PARD6G: variants seen among roughly 807,000 people sequenced by gnomAD.
PARD6G encodes the protein par-6 family cell polarity regulator gamma.
In PARD6G, 7 loss-of-function variants were observed where a neutral mutation model predicts 10.7. The ratio of observed to expected loss-of-function variants is 0.66; its 90% CI spans 0.37 to 1.23. The LOEUF (loss-of-function observed/expected upper bound fraction) is 1.23, where lower values mean the gene tolerates loss of function less well. PARD6G is among the 50% of genes most tolerant of loss of function. The pLI is 0.02. For missense variants in PARD6G, 548 were observed against 571.8 expected (o/e 0.96, Z 0.42); for synonymous variants, 287 against 269.4 (o/e 1.07, Z -0.64).
rs2052801659 is a variant in PARD6G at position 80,175,238 on chromosome 18, A to G, written c.296-14632T>C. ...TGTTTTGCTGCAGAAGTGTGAACAT[A>G]ATGTGTGTCTTAGCTCCAGCGGCCA... On this transcript the variant is annotated intron_variant, in intron 2 of 2. Transcript: ENST00000353265. This position sits in a 1 kb window ranked among gnomAD's most constrained non-coding sequence, Gnocchi z 6.7. Among the ~76,000 whole-genome samples the G allele has an allele frequency of 6.6e-6, 1 of 152,222 alleles. No homozygotes were observed. The highest frequency in any genetic ancestry group is 2.4e-5 in the African/African-American group (1 of 41,460).
chr18:80,246,250 G>C lies in PARD6G; in HGVS notation c.72+1027C>G, dbSNP rs1967544957. ...GCTCAACTCCCAGAGAGTAGCCAGC[G>C]AAAGACTCGAGGGGCCCCCTCCCGC... On this transcript the variant is annotated intron_variant, in intron 1 of 2. Transcript: ENST00000353265. The surrounding 1 kb of genome is among the most constrained non-coding windows in gnomAD (Gnocchi z 6.7). 6.6e-6 allele frequency among the ~76,000 whole-genome samples: 1 copy of C among 152,198 alleles called. No individual in the cohort carries two copies. The highest frequency in any genetic ancestry group is 6.5e-5 in the Admixed American group (1 of 15,284).
At chr18:80,230,558 G>A (rs1032051408) in intron 1 of PARD6G, among the ~76,000 whole-genome samples, 3 of 152,158 alleles carry the variant, frequency 2.0e-5, no homozygotes, top group Admixed American at 6.5e-5. Flanking sequence ...GTTGGCACTC[G>A]CAGAACTGCC....
chr18:80,170,667 A>C (rs2052769952), intron 2 of PARD6G: 1 of 152,300 alleles, frequency 6.6e-6, no homozygotes, highest in Non-Finnish European at 1.5e-5. Context: ...AGTGAGGGGC[A>C]GCCTCAACCA....
chr18:80,208,795 T>A (rs1165475009), intron 1 of PARD6G, among the ~76,000 whole-genome samples: 1 of 151,862 alleles, frequency 6.6e-6, no homozygotes, highest in Non-Finnish European at 1.5e-5. Flanking sequence ...CTGGCCTAGG[T>A]TAGTAGCAAG....
intron 1 of PARD6G, among the ~76,000 whole-genome samples, chr18:80,236,267 C>T (rs890053436): frequency 4.6e-5 from 7 of 152,146 alleles, no homozygotes; most frequent in African/African-American, 1.2e-4. Context: ...ATTATCTCAA[C>T]AGATGCAGAA....
At chr18:80,213,622 A>G (rs1183778453) in intron 1 of PARD6G, among the ~76,000 whole-genome samples, 2 of 152,168 alleles carry the variant, frequency 1.3e-5, no homozygotes. Context: ...TCCAACAGCA[A>G]CAACAACAAA....
intron 1 of PARD6G, among the ~76,000 whole-genome samples, chr18:80,243,991 T>C (rs891579612): frequency 4.6e-5 from 7 of 152,154 alleles, no homozygotes; most frequent in African/African-American, 1.4e-4. Context: ...GACAGTGGAA[T>C]TGACGCAATA....
Position 80,183,172 on chromosome 18 carries a change from AGTG to A in PARD6G, c.295+19535_295+19537del. The A allele has an allele frequency of 1.4e-6, 1 of 702,972 alleles. No individual in the cohort carries two copies. Among genetic ancestry groups the A allele is most frequent in the Non-Finnish European group, 2.6e-6 (1 of 384,994 alleles). 43.5% of individuals were successfully genotyped at this position (702,972 alleles called of 1,614,324 possible). On this transcript the variant is annotated intron_variant, in intron 2 of 2. Coordinates refer to ENST00000353265, the MANE Select transcript of PARD6G (RefSeq NM_032510.4). This position sits in a 1 kb window ranked among gnomAD's most constrained non-coding sequence, Gnocchi z 4.5. ...TCATCTGCAGGAAAATTAGTGAAGAAGTGGAGGGCCTTGCAATGTGAAAGGGTG... is the reference window on the plus strand; with the variant it reads ...TCATCTGCAGGAAAATTAGTGAAGAAGAGGGCCTTGCAATGTGAAAGGGTG...
intron 1 of PARD6G, among the ~76,000 whole-genome samples, chr18:80,223,517 A>T (rs1188639494): frequency 1.3e-5 from 2 of 152,228 alleles, no homozygotes; most frequent in Admixed American, 6.5e-5. Context: ...TCAAAAGCAT[A>T]GGAGTCACTA....
chr18:80,160,117 G>C lies in PARD6G; in HGVS notation c.785C>G (p.Ala262Gly), dbSNP rs1261130113. The change falls in exon 3 of 3, where the codon GCG becomes GGG. Residue 262 changes from alanine to glycine, a missense_variant. By Grantham distance (60) the Ala-to-Gly change is moderately conservative (BLOSUM62 0). This residue lies in a region of PARD6G where 313 missense variants were observed against 279.9 expected (regional missense o/e 1.12). Coordinates refer to ENST00000353265, the MANE Select transcript of PARD6G (RefSeq NM_032510.4). ...CGAGGGCGGTCCCGAGCTGCCCAAC[G>C]CGCGGCCGCCGCGCACCACGTTGTT... Reference protein sequence around the residue: ...QRNNVVRGGRALGSSGPPSDG... With the variant: ...QRNNVVRGGRGLGSSGPPSDG... 2 of 1,611,226 alleles carry C rather than the reference G, an allele frequency of 1.2e-6. No individual in the cohort carries two copies. The highest frequency in any genetic ancestry group is 1.7e-6 in the Non-Finnish European group (2 of 1,179,066).
intron 1 of PARD6G, among the ~76,000 whole-genome samples, chr18:80,220,624 T>G (rs1223693976): frequency 6.6e-6 from 1 of 152,138 alleles, no homozygotes; most frequent in Non-Finnish European, 1.5e-5. Flanking sequence ...TTATTTTTTA[T>G]TTTTGAGACA....
At chr18:80,209,957 A>G (rs1967091099) in intron 1 of PARD6G, among the ~76,000 whole-genome samples, 1 of 152,228 alleles carries the variant, frequency 6.6e-6, no homozygotes, top group Admixed American at 6.5e-5. Flanking sequence ...TCTATTAATC[A>G]TATCTATCTA....
intron 2 of PARD6G, among the ~76,000 whole-genome samples, chr18:80,186,661 TATAATC>T: frequency 9.4e-6 from 1 of 106,894 alleles, no homozygotes; most frequent in East Asian, 6.2e-4. Flanking sequence ...GAGGGCTACA[TATAATC>T]ACACGTGATA....
intron 2 of PARD6G, among the ~76,000 whole-genome samples, chr18:80,199,886 C>A (rs985207798): frequency 6.6e-6 from 1 of 152,194 alleles, no homozygotes; most frequent in African/African-American, 2.4e-5. Context: ...CTCAAGTGAT[C>A]CACCCGCCTC....
intron 1 of PARD6G, among the ~76,000 whole-genome samples, chr18:80,243,616 G>A (rs949921285): frequency 6.6e-6 from 1 of 152,038 alleles, no homozygotes; most frequent in South Asian, 2.1e-4. Context: ...TAATTAACAC[G>A]ACAGACAATC....
chr18:80,226,240 G>T (rs1054486539), intron 1 of PARD6G, among the ~76,000 whole-genome samples: 2 of 129,650 alleles, frequency 1.5e-5, no homozygotes, highest in Non-Finnish European at 3.1e-5. Context: ...GTGTGATCTT[G>T]GCTCACCGCA....
chr18:80,222,079 T>G (rs1344291983), intron 1 of PARD6G, among the ~76,000 whole-genome samples: 1 of 151,754 alleles, frequency 6.6e-6, no homozygotes, highest in Non-Finnish European at 1.5e-5. Context: ...GAAAACTTAA[T>G]TTTTTTCTTT....
chr18:80,160,299 C>T lies in PARD6G; in HGVS notation c.603G>A (p.Gly201=), dbSNP rs1397719116. The T allele has an allele frequency of 6.2e-7, 1 of 1,612,456 alleles. No individual in the cohort carries two copies. The change falls in exon 3 of 3, where the codon GGG becomes GGA. Residue 201 remains glycine, a synonymous_variant. Transcript: ENST00000353265. Reference sequence around the variant, plus strand: ...GCAGCCCGGTGCTCTCCGCCAGGCCCCCGGGTACCATGCGCGAGATGAAGA... The same window carrying T: ...GCAGCCCGGTGCTCTCCGCCAGGCCTCCGGGTACCATGCGCGAGATGAAGA... The part of the protein sequence containing the change: ...PGIFISRMVP[G]GLAESTGLLA...
intron 1 of PARD6G, among the ~76,000 whole-genome samples, chr18:80,214,551 G>C (rs1484223668): frequency 1.3e-5 from 2 of 152,102 alleles, no homozygotes; most frequent in Admixed American, 6.6e-5. Context: ...AGAAATGCTA[G>C]AGTTGAAAAT....
Sources: allele counts gnomAD v4.1 joint callset (sites outside exome capture counted in the v4.1 genomes callset), GRCh38; gene constraint gnomAD v4.1.1; regional missense constraint gnomAD v4.1.1; non-coding constraint Gnocchi (gnomAD v3.1); transcripts MANE v1.5; gene names NCBI Gene and HGNC (gene_info 2026-07-23, HGNC 2026-07-21).